DYNC1H1: variants seen among roughly 807,000 people sequenced by gnomAD.
DYNC1H1 encodes cytoplasmic dynein 1 heavy chain 1.
In DYNC1H1, 51 loss-of-function variants were observed where a neutral mutation model predicts 527.1. The ratio of observed to expected loss-of-function variants is 0.10; its 90% CI spans 0.08 to 0.12. The LOEUF (loss-of-function observed/expected upper bound fraction) is 0.12, where lower values mean the gene tolerates loss of function less well. DYNC1H1 is among the 10% of genes least tolerant of loss of function. The probability of loss-of-function intolerance (pLI) is 1.00; values close to 1 mark genes in which losing one functional copy is unlikely to be tolerated. For missense variants in DYNC1H1, 2,771 were observed against 5,971.8 expected, an observed-to-expected ratio of 0.46 and a Z score of 17.66; for synonymous variants, 2,189 against 2,278.8, an observed-to-expected ratio of 0.96 and a Z score of 1.12.
Position 102,004,854 on chromosome 14 carries a change from C to A in DYNC1H1, c.5142C>A (p.Ala1714=). 6.2e-7 allele frequency: 1 copy of A among 1,614,170 alleles called. No homozygotes were observed. Among genetic ancestry groups the A allele is most frequent in the Non-Finnish European group, 8.5e-7 (1 of 1,180,048 alleles). ...AAAAGGAGATGAGAGTCACCCTGGC[C>A]AAACTGCTTGCTGAGTCTGTTACGG... ...LVEKEMRVTL[A]KLLAESVTEV... is the part of the protein sequence containing the mutation. Residue 1714 remains alanine, a synonymous_variant, in exon 25 of 78, where the codon GCC becomes GCA. Transcript: ENST00000360184.
intron 17 of DYNC1H1, 59 bp from the exon 18 acceptor site, chr14:102,000,227 C>A (rs1176264937): frequency 3.7e-6 from 6 of 1,613,862 alleles, no homozygotes; most frequent in Non-Finnish European, 5.1e-6. Flanking sequence ...CAGGGCCCTG[C>A]CAGATTCTGG....
intron 2 of DYNC1H1, among the ~76,000 whole-genome samples, chr14:101,977,166 C>T (rs972679326): frequency 2.0e-5 from 3 of 152,202 alleles, no homozygotes; most frequent in African/African-American, 7.2e-5. Flanking sequence ...GATAGCATTA[C>T]TAGTTCACAT....
chr14:101,996,812 G>A (rs2048067920), intron 15 of DYNC1H1, among the ~76,000 whole-genome samples: 2 of 151,850 alleles, frequency 1.3e-5, no homozygotes, highest in African/African-American at 4.8e-5. Context: ...AAGTAGAGAT[G>A]AAGTCCTGCC....
At position 102,004,944 on chromosome 14, in the gene DYNC1H1, A is replaced by G. The variant is rs1025737269; in HGVS notation, c.5232A>G (p.Lys1744=). ...ATACCTACATCACTTGGATTGATAAATACCAGGTAATCTATAGTAGAAGTG... is the reference window on the plus strand; with the variant it reads ...ATACCTACATCACTTGGATTGATAAGTACCAGGTAATCTATAGTAGAAGTG... ...DPNTYITWID[K]YQAQLVVLSA... Residue 1744 remains lysine (K), a synonymous_variant, in exon 25 of 78, where the codon AAA becomes AAG. Coordinates refer to ENST00000360184, the MANE Select transcript of DYNC1H1 (RefSeq NM_001376.5). 3 of 1,614,120 alleles carry G rather than the reference A, an allele frequency of 1.9e-6. No individual in the cohort carries two copies. The highest frequency in any genetic ancestry group is 1.3e-5 in the African/African-American group (1 of 74,928).
chr14:102,016,982 G>A lies in DYNC1H1; in HGVS notation c.7831G>A (p.Ala2611Thr), dbSNP rs764997194. ...CATGACACTCTTCAGCGCCCTCCGG[G>A]CCTTGCCTGACATGGAGGTAAAGAG... is the stretch of plus-strand genomic sequence containing the variant. ...KTMTLFSALRALPDMEVVGLN... is the reference protein window; with the variant it reads ...KTMTLFSALRTLPDMEVVGLN... The change falls in exon 38 of 78, where the codon GCC becomes ACC. Residue 2611 changes from alanine to threonine, a missense_variant. Around this residue, in one of 32 missense-constraint regions of DYNC1H1, gnomAD observed 163 missense variants for 346.9 expected, o/e 0.47. Transcript: ENST00000360184. This position sits in a 1 kb window ranked among gnomAD's most constrained non-coding sequence, Gnocchi z 7.3. The A allele has an allele frequency of 6.2e-7, 1 of 1,614,192 alleles. No homozygotes were observed. The highest frequency in any genetic ancestry group is 8.5e-7 in the Non-Finnish European group (1 of 1,180,024).
rs760585712 is a variant in DYNC1H1 at position 102,002,241 on chromosome 14, GC to G, written c.4543-295del. Among the ~76,000 whole-genome samples, 14 of 151,892 alleles carry G rather than the reference GC, an allele frequency of 9.2e-5. No individual in the cohort carries two copies. The highest frequency in any genetic ancestry group is 2.0e-4 in the Admixed American group (3 of 15,248). ...TTCTCCCGCCTCAGCCTCCCAAGTAGCTGGGATTACAGCTACCTGCCACCAT... is the reference window on the plus strand; with the variant it reads ...TTCTCCCGCCTCAGCCTCCCAAGTAGTGGGATTACAGCTACCTGCCACCAT... On this transcript the variant is annotated intron_variant, in intron 21 of 77. Coordinates refer to ENST00000360184, the MANE Select transcript of DYNC1H1 (RefSeq NM_001376.5). This position sits in a 1 kb window ranked among gnomAD's most constrained non-coding sequence, Gnocchi z 4.4.
rs905719046 is a variant in DYNC1H1 at position 102,001,279 on chromosome 14, G to A, written c.4320G>A (p.Gln1440=). ...TLGQIWDVDL[Q]KNEAIVKDVL... Reference sequence around the variant, plus strand: ...GCCAAATCTGGGATGTTGACTTGCAGAAAAATGAAGCGATTGTCAAGGATG... The same window carrying A: ...GCCAAATCTGGGATGTTGACTTGCAAAAAAATGAAGCGATTGTCAAGGATG... The change falls in exon 20 of 78, where the codon CAG becomes CAA. Residue 1440 remains glutamine (Q), a synonymous_variant. Transcript: ENST00000360184. This position sits in a 1 kb window ranked among gnomAD's most constrained non-coding sequence, Gnocchi z 5.0. 3.1e-6 allele frequency: 5 copies of A among 1,614,116 alleles called. No homozygotes were observed. In the African/African-American group the frequency reaches 5.3e-5, roughly 17 times the overall value.
At chr14:102,000,689 C>T in intron 18 of DYNC1H1, 1 of 506,366 alleles carries the variant, frequency 2.0e-6, no homozygotes, top group Non-Finnish European at 3.6e-6. Flanking sequence ...ATTCTCCTGC[C>T]TCAGCCTCCC....
intron 57 of DYNC1H1, chr14:102,037,067 A>T (rs958707393): frequency 7.8e-6 from 2 of 255,584 alleles, no homozygotes; most frequent in Non-Finnish European, 1.6e-5. Flanking sequence ...ACTGCACTCC[A>T]GCCTGGGAGA....
At chr14:102,004,725 T>C in intron 24 of DYNC1H1, 37 bp from the exon 25 acceptor site, 1 of 1,614,198 alleles carries the variant, frequency 6.2e-7, no homozygotes, top group Non-Finnish European at 8.5e-7. Flanking sequence ...TCTCACATTT[T>C]TGCATACCTC....
chr14:102,004,168 C>G (rs568890825), intron 23 of DYNC1H1, among the ~76,000 whole-genome samples: 17 of 152,016 alleles, frequency 1.1e-4, no homozygotes, highest in African/African-American at 3.6e-4. Flanking sequence ...GGCGTGAACC[C>G]GGGAGGCGGA....
Position 102,039,487 on chromosome 14 carries a change from C to G in DYNC1H1, c.11536C>G (p.Leu3846Val), listed in dbSNP as rs2048617940. The change falls in exon 61 of 78, where the codon CTG becomes GTG. Residue 3846 changes from leucine to valine, a missense_variant. Transcript: ENST00000360184. This position sits in a 1 kb window ranked among gnomAD's most constrained non-coding sequence, Gnocchi z 7.0. ...CAACGTCCTATACGAGAACCCGAAC[C>G]TGAAGGGTGTCACCGACCACACACA... Reference protein sequence around the residue: ...YHNVLYENPNLKGVTDHTQRL... With the variant: ...YHNVLYENPNVKGVTDHTQRL... The G allele has an allele frequency of 6.2e-7, 1 of 1,614,256 alleles. No individual in the cohort carries two copies. Among genetic ancestry groups the G allele is most frequent in the Non-Finnish European group, 8.5e-7 (1 of 1,180,052 alleles).
At position 102,049,585 on chromosome 14, in the gene DYNC1H1, G is replaced by T; in HGVS notation, c.13515+3G>T. 6.2e-7 allele frequency: 1 copy of T among 1,614,012 alleles called. No homozygotes were observed. Among genetic ancestry groups the T allele is most frequent in the Non-Finnish European group, 8.5e-7 (1 of 1,180,046 alleles). On this transcript the variant is annotated splice_donor_region_variant and intron_variant, in intron 75 of 77. Coordinates refer to ENST00000360184, the MANE Select transcript of DYNC1H1 (RefSeq NM_001376.5). This position sits in a 1 kb window ranked among gnomAD's most constrained non-coding sequence, Gnocchi z 5.5. ...CTGGTGGCGCCAAGGAGCTAAAGGT[G>T]AAGGCGCTCCTGACGAGTCTCGGGT...
At chr14:101,972,907 A>G (rs897917731) in intron 1 of DYNC1H1, among the ~76,000 whole-genome samples, 3 of 152,160 alleles carry the variant, frequency 2.0e-5, no homozygotes, top group African/African-American at 7.2e-5. Flanking sequence ...CAGTACTTTG[A>G]CAGCTGTTTC....
intron 72 of DYNC1H1, chr14:102,045,031 A>C: frequency 2.7e-6 from 1 of 370,462 alleles, no homozygotes; most frequent in Non-Finnish European, 5.2e-6. Flanking sequence ...GGCTGGGCAC[A>C]CTGGCTCACA....
chr14:102,039,146 T>C lies in DYNC1H1; in HGVS notation c.11352T>C (p.Val3784=). 1.1e-5 allele frequency: 17 copies of C among 1,614,166 alleles called. No individual in the cohort carries two copies. Among genetic ancestry groups the C allele is most frequent in the Non-Finnish European group, 1.4e-5 (16 of 1,180,024 alleles). The change falls in exon 60 of 78, where the codon GTT becomes GTC. Residue 3784 remains valine, a synonymous_variant. Coordinates refer to ENST00000360184, the MANE Select transcript of DYNC1H1 (RefSeq NM_001376.5). The surrounding 1 kb of genome is among the most constrained non-coding windows in gnomAD (Gnocchi z 7.0). ...AGGCTGCAGAGGTCACCAGGAAAGT[T>C]GAGGAGACGGACATTGTCATGCAGG... ...KREAAEVTRK[V]EETDIVMQEV...
At position 101,985,926 on chromosome 14, in the gene DYNC1H1, C is replaced by A. The variant is rs2047931805; in HGVS notation, c.1701C>A (p.Arg567=). Residue 567 remains arginine (R), a synonymous_variant, in exon 8 of 78, where the codon CGC becomes CGA. Coordinates refer to ENST00000360184, the MANE Select transcript of DYNC1H1 (RefSeq NM_001376.5). The surrounding 1 kb of genome is among the most constrained non-coding windows in gnomAD (Gnocchi z 5.9). Reference sequence around the variant, plus strand: ...GAGTGGAGACCCGGATCACCGCTCGCCTTCGGGATCAGCTTGGCACAGCCA... The same window carrying A: ...GAGTGGAGACCCGGATCACCGCTCGACTTCGGGATCAGCTTGGCACAGCCA... The part of the protein sequence containing the change: ...IDRVETRITA[R]LRDQLGTAKN... 6.2e-7 allele frequency: 1 copy of A among 1,614,218 alleles called. No homozygotes were observed. The highest frequency in any genetic ancestry group is 8.5e-7 in the Non-Finnish European group (1 of 1,180,040).
At chr14:101,990,902 G>A (rs769246728) in intron 10 of DYNC1H1, among the ~76,000 whole-genome samples, 38 of 151,976 alleles carry the variant, frequency 2.5e-4, no homozygotes, top group Non-Finnish European at 4.6e-4. Flanking sequence ...CCAGCTACTC[G>A]GGAGGCTGAG....
Position 102,034,127 on chromosome 14 carries a change from A to G in DYNC1H1, c.10565A>G (p.Gln3522Arg). 6.2e-7 allele frequency: 1 copy of G among 1,614,184 alleles called. No individual in the cohort carries two copies. The highest frequency in any genetic ancestry group is 8.5e-7 in the Non-Finnish European group (1 of 1,180,030). ...ATTGCCTACGCGGGTTACTTTGACCAGCAGATGCGTCAGAACTTGTTCACT... is the reference window on the plus strand; with the variant it reads ...ATTGCCTACGCGGGTTACTTTGACCGGCAGATGCGTCAGAACTTGTTCACT... ...AFIAYAGYFDQQMRQNLFTTW... is the reference protein window; with the variant it reads ...AFIAYAGYFDRQMRQNLFTTW... Residue 3522 changes from glutamine to arginine, a missense_variant, in exon 55 of 78, where the codon CAG becomes CGG. Around this residue, in one of 32 missense-constraint regions of DYNC1H1, gnomAD observed 283 missense variants for 737.6 expected, o/e 0.38. Coordinates refer to ENST00000360184, the MANE Select transcript of DYNC1H1 (RefSeq NM_001376.5).
Sources: gnomAD v4.1 joint callset for allele counts (sites outside exome capture counted in the v4.1 genomes callset) on GRCh38, gnomAD v4.1.1 for gene constraint, gnomAD v4.1.1 regional missense constraint, Gnocchi (gnomAD v3.1) non-coding constraint, MANE v1.5 for transcripts, NCBI Gene and HGNC (gene_info 2026-07-23, HGNC 2026-07-21) for gene names.